The following MYO3B variants were observed in gnomAD, a reference collection of about 807,000 sequenced individuals.
MYO3B encodes the protein myosin IIIB.
A neutral mutation model predicts 174.6 loss-of-function variants in MYO3B; 156 were observed. That is an observed-to-expected ratio of 0.89 (90% CI 0.78 to 1.02). The LOEUF (loss-of-function observed/expected upper bound fraction) is 1.02. Among genes scored for constraint, MYO3B ranks in the 50% least tolerant of loss-of-function variants. MYO3B has a pLI of 0.00. For missense variants in MYO3B, 1,632 were observed against 1,639.4 expected (o/e 1.00, Z 0.08); for synonymous variants, 563 against 569.1 (o/e 0.99, Z 0.15).
intron 32 of MYO3B, among the ~76,000 whole-genome samples, chr2:170,553,634 T>C (rs979972911): frequency 2.0e-5 from 3 of 152,224 alleles, no homozygotes; most frequent in African/African-American, 7.2e-5. Flanking sequence ...TTTGGGTTAA[T>C]GCTGGAATGA....
intron 8 of MYO3B, chr2:170,346,247 G>A (rs1449893032): frequency 6.6e-6 from 1 of 152,176 alleles, no homozygotes; most frequent in African/African-American, 2.4e-5. Context: ...GGACAGCTTT[G>A]AATGTGGTCC....
chr2:170,605,685 T>C (rs908297963), intron 32 of MYO3B, among the ~76,000 whole-genome samples: 4 of 152,032 alleles, frequency 2.6e-5, no homozygotes, highest in Non-Finnish European at 4.4e-5. Context: ...GGTAAAACCC[T>C]ATCTCTACTA....
rs184564412 is a variant in MYO3B at position 170,557,878 on chromosome 2, C to G, written c.3733+13890C>G. 1.6e-3 allele frequency among the ~76,000 whole-genome samples: 247 copies of G among 152,208 alleles called. 2 individuals carry two copies. The highest frequency in any genetic ancestry group is 4.5e-3 in the Admixed American group (69 of 15,286). ...TTCTTTTTCCACACGGGGAGAAGCTCACATGTGAGAGATACAAGATCAAGG... is the reference window on the plus strand; with the variant it reads ...TTCTTTTTCCACACGGGGAGAAGCTGACATGTGAGAGATACAAGATCAAGG... On this transcript the variant is annotated intron_variant, in intron 32 of 34. Coordinates refer to ENST00000408978, the MANE Select transcript of MYO3B (RefSeq NM_138995.5).
At chr2:170,216,446 G>T (rs1574595249) in intron 5 of MYO3B, among the ~76,000 whole-genome samples, 1 of 152,164 alleles carries the variant, frequency 6.6e-6, no homozygotes, top group Non-Finnish European at 1.5e-5. Flanking sequence ...AGGCTCAAAG[G>T]TGAAGCAATC....
chr2:170,651,979 T>G, intron 33 of MYO3B, 129 bp from the exon 34 acceptor site: 1 of 902,684 alleles, frequency 1.1e-6, no homozygotes, highest in Non-Finnish European at 1.6e-6. Flanking sequence ...AGCCCTTTGA[T>G]CAAAAAAAAT....
intron 7 of MYO3B, among the ~76,000 whole-genome samples, chr2:170,315,872 C>G (rs1032038809): frequency 1.3e-5 from 2 of 152,208 alleles, no homozygotes; most frequent in African/African-American, 4.8e-5. Context: ...ACTCTGCAGG[C>G]TCTCCTAGCC....
In MYO3B at chr2:170,634,576, A is replaced by G. The variant is rs549221735; in HGVS notation, c.3734-17052A>G. Among the ~76,000 whole-genome samples the G allele has an allele frequency of 3.0e-4, 45 of 152,394 alleles. No homozygotes were observed. The South Asian group carries it at 8.7e-3, about 29-fold the overall frequency. ...AGGCATGGGCAAGGACTTCATGACT[A>G]AAACAGCAAAAGCAATGGCAACAAA... On this transcript the variant is annotated intron_variant, in intron 32 of 34. Coordinates refer to ENST00000408978, the MANE Select transcript of MYO3B (RefSeq NM_138995.5).
chr2:170,515,825 T>C (rs1688269205), intron 29 of MYO3B, among the ~76,000 whole-genome samples: 2 of 152,010 alleles, frequency 1.3e-5, no homozygotes, highest in African/African-American at 4.8e-5. Flanking sequence ...TATCTCTCAC[T>C]CAGTCTGTTT....
chr2:170,537,027 C>T (rs1273779084), intron 30 of MYO3B, among the ~76,000 whole-genome samples: 5 of 151,772 alleles, frequency 3.3e-5, no homozygotes. Context: ...TAGTGAAACC[C>T]CATCTCTACT....
intron 7 of MYO3B, among the ~76,000 whole-genome samples, chr2:170,317,143 C>A (rs2093781486): frequency 6.6e-6 from 1 of 151,934 alleles, no homozygotes. Context: ...TCTGATAGAC[C>A]ATGGAATAGC....
At chr2:170,483,372 A>ATTTTTT (rs1219069017) in intron 25 of MYO3B, among the ~76,000 whole-genome samples, 2 of 74,704 alleles carry the variant, frequency 2.7e-5, no homozygotes, top group East Asian at 3.9e-4. Flanking sequence ...TTGCTTGGGG[A>ATTTTTT]TTCTTTTTTT....
chr2:170,496,033 T>C (rs933828306), intron 25 of MYO3B, among the ~76,000 whole-genome samples: 1 of 152,152 alleles, frequency 6.6e-6, no homozygotes, highest in African/African-American at 2.4e-5. Context: ...TCCTCCCACT[T>C]AGCTCCGGAA....
chr2:170,234,187 A>AC (rs397986617), intron 6 of MYO3B, among the ~76,000 whole-genome samples: 1 of 29,958 alleles, frequency 3.3e-5, no homozygotes, highest in Non-Finnish European at 6.4e-5. Context: ...AAAAAAAAAA[A>AC]CAAAACAAAA....
intron 9 of MYO3B, 104 bp downstream of exon 9, chr2:170,369,481 G>C: frequency 7.8e-7 from 1 of 1,277,700 alleles, no homozygotes; most frequent in South Asian, 1.6e-5. Context: ...TTACATTCCT[G>C]CATTTTTAAG....
intron 25 of MYO3B, among the ~76,000 whole-genome samples, chr2:170,482,716 C>T (rs981688249): frequency 6.6e-6 from 1 of 152,216 alleles, no homozygotes; most frequent in Non-Finnish European, 1.5e-5. Flanking sequence ...ATGGCTTGAT[C>T]CAACTTTCTC....
chr2:170,475,388 C>T (rs553406342), intron 25 of MYO3B, among the ~76,000 whole-genome samples: 17 of 152,136 alleles, frequency 1.1e-4, no homozygotes, highest in Non-Finnish European at 2.1e-4. Context: ...CAACCGAAGA[C>T]TACATGTGCA....
chr2:170,470,818 A>T (rs139512207), intron 25 of MYO3B, among the ~76,000 whole-genome samples: 3 of 152,224 alleles, frequency 2.0e-5, no homozygotes, highest in African/African-American at 7.2e-5. Context: ...CATTTCTCTA[A>T]TGACTAATGA....
chr2:170,253,651 A>G (rs1269299682), intron 7 of MYO3B, among the ~76,000 whole-genome samples: 2 of 152,158 alleles, frequency 1.3e-5, no homozygotes, highest in Non-Finnish European at 2.9e-5. Context: ...GGCTACTCCC[A>G]CATTTATAGA....
chr2:170,264,357 A>G (rs1574678508), intron 7 of MYO3B, among the ~76,000 whole-genome samples: 1 of 152,312 alleles, frequency 6.6e-6, no homozygotes, highest in Middle Eastern at 3.4e-3. Flanking sequence ...GGCAGTCATC[A>G]TCCAAGAGGG....
Sources: gnomAD v4.1 joint callset for allele counts (sites outside exome capture counted in the v4.1 genomes callset) on GRCh38, gnomAD v4.1.1 for gene constraint, MANE v1.5 for transcripts, NCBI Gene and HGNC (gene_info 2026-07-23, HGNC 2026-07-21) for gene names.